CRYBG1: variants seen among roughly 807,000 people sequenced by gnomAD.
CRYBG1 encodes beta/gamma crystallin domain-containing protein 1.
Under a neutral mutation model 189.2 loss-of-function variants are expected in CRYBG1, and 139 were observed. The observed-to-expected ratio is 0.73, with a 90% CI of 0.64 to 0.85. CRYBG1 has a LOEUF of 0.85. Ranked by LOEUF, CRYBG1 falls within the 40% of genes least tolerant of loss-of-function variation. CRYBG1 has a pLI of 0.00. For missense variants in CRYBG1, 2,611 were observed against 2,675.8 expected (o/e 0.98, Z 0.53); for synonymous variants, 1,023 against 1,017.1 (o/e 1.01, Z -0.11).
chr6:106,547,454 T>G (rs1416839623), intron 13 of CRYBG1, among the ~76,000 whole-genome samples: 1 of 152,146 alleles, frequency 6.6e-6, no homozygotes, highest in Non-Finnish European at 1.5e-5. Flanking sequence ...ATTTCCAGTC[T>G]GGACACAGGG....
intron 1 of CRYBG1, among the ~76,000 whole-genome samples, chr6:106,431,225 C>T (rs1016174489): frequency 1.3e-5 from 2 of 152,124 alleles, no homozygotes; most frequent in Admixed American, 6.6e-5. Flanking sequence ...TAGTCCTCTG[C>T]CATGTAGTCT....
chr6:106,548,162 A>G (rs1448219408), intron 13 of CRYBG1, among the ~76,000 whole-genome samples: 1 of 152,074 alleles, frequency 6.6e-6, no homozygotes, highest in African/African-American at 2.4e-5. Flanking sequence ...GTGTTGATTC[A>G]TGTGTACAGA....
At chr6:106,468,066 T>G (rs1286311618) in intron 2 of CRYBG1, among the ~76,000 whole-genome samples, 2 of 151,952 alleles carry the variant, frequency 1.3e-5, no homozygotes, top group Non-Finnish European at 2.9e-5. Context: ...GTGGAATACA[T>G]GATTAAACTG....
chr6:106,505,403 T>C (rs1337823763), intron 2 of CRYBG1, among the ~76,000 whole-genome samples: 1 of 152,092 alleles, frequency 6.6e-6, no homozygotes, highest in Non-Finnish European at 1.5e-5. Flanking sequence ...CCAATTTTTG[T>C]ATTTCTTAGT....
intron 2 of CRYBG1, among the ~76,000 whole-genome samples, chr6:106,466,178 A>G (rs1158140284): frequency 6.6e-6 from 1 of 152,258 alleles, no homozygotes; most frequent in Non-Finnish European, 1.5e-5. Flanking sequence ...CAAGGTTACG[A>G]GTAAATATTC....
intron 2 of CRYBG1, among the ~76,000 whole-genome samples, chr6:106,462,169 G>C (rs1772020992): frequency 6.6e-6 from 1 of 150,670 alleles, no homozygotes; most frequent in Admixed American, 6.6e-5. Flanking sequence ...TTGTTTTTTT[G>C]TTTTGTTTTG....
intron 2 of CRYBG1, among the ~76,000 whole-genome samples, chr6:106,495,928 G>C (rs763190104): frequency 2.0e-5 from 3 of 150,954 alleles, no homozygotes; most frequent in Admixed American, 2.0e-4. Context: ...ATTGCTTTGA[G>C]AGTAAGGATT....
At chr6:106,399,190 T>C (rs1770670607) in intron 1 of CRYBG1, among the ~76,000 whole-genome samples, 1 of 152,200 alleles carries the variant, frequency 6.6e-6, no homozygotes, top group Admixed American at 6.5e-5. Context: ...CTGCTTCACC[T>C]CAGAAAAACC....
chr6:106,544,025 C>G (rs1774201398), intron 11 of CRYBG1, among the ~76,000 whole-genome samples: 1 of 152,246 alleles, frequency 6.6e-6, no homozygotes, highest in South Asian at 2.1e-4. Context: ...GCACTCCAGC[C>G]TGGGCAACAA....
chr6:106,528,423 A>G (rs1773802877), intron 7 of CRYBG1, among the ~76,000 whole-genome samples: 1 of 152,192 alleles, frequency 6.6e-6, no homozygotes, highest in Admixed American at 6.5e-5. Context: ...CACCATCATG[A>G]AGTGTCCCCT....
chr6:106,451,147 T>C (rs532138141), intron 1 of CRYBG1, among the ~76,000 whole-genome samples: 2 of 152,130 alleles, frequency 1.3e-5, no homozygotes, highest in Non-Finnish European at 2.9e-5. Context: ...GGCTTTGGGG[T>C]AGGCAACCAT....
intron 2 of CRYBG1, among the ~76,000 whole-genome samples, chr6:106,504,647 G>A (rs578002276): frequency 9.6e-5 from 13 of 136,018 alleles, no homozygotes; most frequent in Non-Finnish European, 8.0e-5. Flanking sequence ...GTGCGTGTGT[G>A]TGTTTGTGTG....
intron 6 of CRYBG1, among the ~76,000 whole-genome samples, chr6:106,526,401 T>C (rs1163404743): frequency 6.6e-6 from 1 of 152,208 alleles, no homozygotes; most frequent in East Asian, 1.9e-4. Flanking sequence ...CAAATTTTGT[T>C]TTTATGGAAC....
intron 15 of CRYBG1, 26 bp from the exon 16 acceptor site, chr6:106,553,429 A>C (rs1774454305): frequency 6.9e-7 from 1 of 1,459,042 alleles, no homozygotes; most frequent in Non-Finnish European, 9.6e-7. Flanking sequence ...AAATAATTTT[A>C]TGTGTTTCTG....
At chr6:106,468,559 G>A (rs1029149757) in intron 2 of CRYBG1, among the ~76,000 whole-genome samples, 2 of 152,144 alleles carry the variant, frequency 1.3e-5, no homozygotes, top group African/African-American at 2.4e-5. Context: ...GCATGATGGC[G>A]TGTGCCTGTA....
At chr6:106,426,610 A>C (rs1204841972) in intron 1 of CRYBG1, among the ~76,000 whole-genome samples, 1 of 152,144 alleles carries the variant, frequency 6.6e-6, no homozygotes, top group African/African-American at 2.4e-5. Flanking sequence ...TCAGAATAAT[A>C]CTATTTCTTG....
At chr6:106,491,729 A>G (rs1432578618) in intron 2 of CRYBG1, among the ~76,000 whole-genome samples, 1 of 151,958 alleles carries the variant, frequency 6.6e-6, no homozygotes, top group African/African-American at 2.4e-5. Context: ...GTCCTCATCC[A>G]CTTGGACCCA....
intron 2 of CRYBG1, among the ~76,000 whole-genome samples, chr6:106,483,058 C>T (rs1772503800): frequency 6.6e-6 from 1 of 152,140 alleles, no homozygotes; most frequent in East Asian, 1.9e-4. Context: ...CATCACCTTA[C>T]TGTGATGTTA....
intron 10 of CRYBG1, 91 bp downstream of exon 10, chr6:106,541,712 T>G: frequency 1.1e-6 from 1 of 915,496 alleles, no homozygotes. Flanking sequence ...TCCCACTCCA[T>G]CTCTATGAAG....
Sources: gnomAD v4.1 joint callset for allele counts (sites outside exome capture counted in the v4.1 genomes callset) on GRCh38, gnomAD v4.1.1 for gene constraint, MANE v1.5 for transcripts, NCBI Gene and HGNC (gene_info 2026-07-23, HGNC 2026-07-21) for gene names.